Variants in PPP2R2D observed in about 807,000 individuals in gnomAD.
The protein encoded by PPP2R2D is protein phosphatase 2 regulatory subunit Bdelta, also known as serine/threonine-protein phosphatase 2A 55 kDa regulatory subunit B delta isoform.
A neutral mutation model predicts 31.1 loss-of-function variants in PPP2R2D; 9 were observed. The observed-to-expected ratio is 0.29, with a 90% CI of 0.17 to 0.51. The LOEUF is 0.51. Among genes scored for constraint, PPP2R2D ranks in the 20% least tolerant of loss-of-function variants. The pLI is 0.98. For missense variants in PPP2R2D, 391 were observed against 465.6 expected, an observed-to-expected ratio of 0.84 and a Z score of 1.48; for synonymous variants, 179 against 172.6, an observed-to-expected ratio of 1.04 and a Z score of -0.29.
At position 131,901,096 on chromosome 10, in the gene PPP2R2D, G is replaced by C. The variant is rs1416856005; in HGVS notation, c.-53G>C. On this transcript the variant is annotated 5_prime_UTR_variant, in exon 1 of 9. Transcript: ENST00000455566. ...CTGAGCGCTCGGCTGCAGCGGCGCG[G>C]AGGCCGTCTCCCTGGTCTGCCGCGG... 2.5e-5 allele frequency: 5 copies of C among 203,776 alleles called. No homozygotes were observed. The highest frequency in any genetic ancestry group is 4.8e-5 in the Non-Finnish European group (5 of 104,322). 12.6% of individuals were successfully genotyped at this position (203,776 alleles called of 1,614,324 possible). A position where few individuals can be genotyped will look rare whatever the true frequency, so the allele number is the denominator to read the frequency against.
At chr10:131,933,230 G>A (rs1262648573) in intron 2 of PPP2R2D, among the ~76,000 whole-genome samples, 1 of 152,128 alleles carries the variant, frequency 6.6e-6, no homozygotes, top group African/African-American at 2.4e-5. Flanking sequence ...TGTAGATGTT[G>A]GTGGAAATCC....
downstream of PPP2R2D, among the ~76,000 whole-genome samples, chr10:131,964,267 C>T (rs947489070): frequency 1.3e-5 from 2 of 151,982 alleles, no homozygotes; most frequent in South Asian, 2.1e-4. Context: ...CAAGAACCCA[C>T]TAACTTTAGT....
At chr10:131,932,663 A>AAC (rs2036261040) in intron 2 of PPP2R2D, among the ~76,000 whole-genome samples, 1 of 144,556 alleles carries the variant, frequency 6.9e-6, no homozygotes, top group East Asian at 1.9e-4. Flanking sequence ...AAAAAAAAAA[A>AAC]AAAAACACAC....
At chr10:131,941,833 C>T (rs2036447322) in intron 5 of PPP2R2D, among the ~76,000 whole-genome samples, 1 of 152,158 alleles carries the variant, frequency 6.6e-6, no homozygotes, top group African/African-American at 2.4e-5. Context: ...TCAGACTTCT[C>T]ACATCGATGT....
chr10:131,943,005 C>T lies in PPP2R2D; in HGVS notation c.478-963C>T, dbSNP rs139898092. Among the ~76,000 whole-genome samples, 284 of 152,296 alleles carry T rather than the reference C, an allele frequency of 1.9e-3. 2 individuals are homozygous for T. The highest frequency in any genetic ancestry group is 6.4e-3 in the African/African-American group (265 of 41,560). ...TCAGTTGAGAGCTTTTCTTTTTCCC[C>T]TAAGCTTTCAAGGCTCTCCCTTTTG... On this transcript the variant is annotated intron_variant, in intron 5 of 8. Coordinates refer to ENST00000455566, the MANE Select transcript of PPP2R2D (RefSeq NM_018461.5).
rs1482030690 is a variant in PPP2R2D, at chr10:131,945,563, A to G, written c.820+104A>G. 1.3e-5 allele frequency: 18 copies of G among 1,368,170 alleles called. No homozygotes were observed. The highest frequency in any genetic ancestry group is 1.6e-5 in the Non-Finnish European group (16 of 1,014,746). 84.8% of individuals were successfully genotyped at this position (1,368,170 alleles called of 1,614,324 possible). A position where few individuals can be genotyped will look rare whatever the true frequency, so the allele number is the denominator to read the frequency against. On this transcript the variant is annotated intron_variant, in intron 7 of 8. Transcript: ENST00000455566. The surrounding 1 kb of genome is among the most constrained non-coding windows in gnomAD (Gnocchi z 4.8). ...CAAGCTCCGCCTCCCGGGTTCCAGC[A>G]AGTCTTCTGCCTCGGCCTCCCGAGT... is the stretch of plus-strand genomic sequence containing the variant.
intron 2 of PPP2R2D, among the ~76,000 whole-genome samples, chr10:131,921,176 A>G (rs35455357): frequency 0.11 from 16,662 of 152,268 alleles, 996 homozygotes; most frequent in Non-Finnish European, 0.14. Flanking sequence ...CCTTCTTGCT[A>G]GTTTGACTGA....
intron 2 of PPP2R2D, among the ~76,000 whole-genome samples, chr10:131,916,124 A>G (rs2035774394): frequency 6.6e-6 from 1 of 152,182 alleles, no homozygotes; most frequent in Non-Finnish European, 1.5e-5. Context: ...GGGTTATTTA[A>G]AAAGTAGATG....
At chr10:131,970,618 C>G in the PPP2R2D span, 1 of 1,612,194 alleles carries the variant, frequency 6.2e-7, no homozygotes, top group South Asian at 1.1e-5. This position sits in a 1 kb window ranked among gnomAD's most constrained non-coding sequence, Gnocchi z 4.1. Context: ...TGACAGGAGT[C>G]ACACAGTCAC....
At chr10:131,918,810 GAC>G (rs1554893693) in intron 2 of PPP2R2D, among the ~76,000 whole-genome samples, 2 of 149,020 alleles carry the variant, frequency 1.3e-5, no homozygotes, top group South Asian at 2.1e-4. Context: ...CGGGTGGAAT[GAC>G]ACAGTGTGGG....
chr10:131,938,059 G>T (rs2036375583), intron 3 of PPP2R2D, among the ~76,000 whole-genome samples: 1 of 151,808 alleles, frequency 6.6e-6, no homozygotes, highest in South Asian at 2.1e-4. Flanking sequence ...TGGAAGGAAT[G>T]CCCTGCACGT....
Position 131,957,733 on chromosome 10 carries a change from C to G in PPP2R2D, c.*1770C>G, listed in dbSNP as rs1554900346. ...GAAGGTGTGTGCTGATCCCCCATCTCCCTGTGGAGATGAAGGGGTGTGCCA... is the reference window on the plus strand; with the variant it reads ...GAAGGTGTGTGCTGATCCCCCATCTGCCTGTGGAGATGAAGGGGTGTGCCA... On this transcript the variant is annotated 3_prime_UTR_variant, in exon 9 of 9. Coordinates refer to ENST00000455566, the MANE Select transcript of PPP2R2D (RefSeq NM_018461.5). 6.3e-6 allele frequency: 1 copy of G among 157,494 alleles called. No homozygotes were observed. Among genetic ancestry groups the G allele is most frequent in the Non-Finnish European group, 1.4e-5 (1 of 73,812 alleles). The allele number at this position is 157,494 out of a possible 1,614,324, so 9.8% of individuals were successfully genotyped here. A position where few individuals can be genotyped will look rare whatever the true frequency, so the allele number is the denominator to read the frequency against.
At chr10:131,962,903 G>A (rs1347977425), downstream of PPP2R2D, among the ~76,000 whole-genome samples, 2 of 152,338 alleles carry the variant, frequency 1.3e-5, no homozygotes, top group East Asian at 3.9e-4. Context: ...GGTGGCTCAC[G>A]CCTGTAATCC....
intron 2 of PPP2R2D, among the ~76,000 whole-genome samples, chr10:131,930,949 CCTTTGGATTTCA>C (rs1554895594): frequency 1.3e-5 from 2 of 152,170 alleles, no homozygotes; most frequent in Non-Finnish European, 2.9e-5. Context: ...TTACTGTTGC[CCTTTGGATTTCA>C]CATGGCACTT....
intron 2 of PPP2R2D, among the ~76,000 whole-genome samples, chr10:131,929,854 C>T (rs1554895435): frequency 1.3e-5 from 2 of 152,184 alleles, no homozygotes; most frequent in African/African-American, 4.8e-5. Context: ...TCCTTTAAAC[C>T]TGGGACCTCA....
At chr10:131,960,001 C>T (rs1395996206), downstream of PPP2R2D, among the ~76,000 whole-genome samples, 2 of 152,206 alleles carry the variant, frequency 1.3e-5, no homozygotes, top group East Asian at 3.9e-4. Flanking sequence ...CTGCCACTGC[C>T]TTGAGGTCTG....
intron 3 of PPP2R2D, among the ~76,000 whole-genome samples, chr10:131,937,182 G>T (rs555804064): frequency 6.6e-5 from 10 of 152,358 alleles, no homozygotes; most frequent in Admixed American, 5.9e-4. Context: ...CAGGTCCATA[G>T]AGGCCCGTTG....
At chr10:131,916,872 G>A (rs1191074750) in intron 2 of PPP2R2D, among the ~76,000 whole-genome samples, 4 of 147,390 alleles carry the variant, frequency 2.7e-5, no homozygotes, top group African/African-American at 1.1e-4. Context: ...GAATGACAGT[G>A]TTTGTAGGGA....
rs2036370488 is a variant in PPP2R2D at position 131,937,839 on chromosome 10, T to C, written c.199-2192T>C. The stretch of plus-strand genomic sequence containing the variant: ...AATAGAACTGTCTGTTGAGGGGCTG[T>C]GCTTTTTTGTAGAGTGGTAGGAGAG... On this transcript the variant is annotated intron_variant, in intron 3 of 8. Coordinates refer to ENST00000455566, the MANE Select transcript of PPP2R2D (RefSeq NM_018461.5). Among the ~76,000 whole-genome samples, 3 of 152,226 alleles carry C rather than the reference T, an allele frequency of 2.0e-5. No individual in the cohort carries two copies. The South Asian group carries it at 6.2e-4, about 31-fold the overall frequency.
Sources: gnomAD v4.1 joint callset for allele counts (sites outside exome capture counted in the v4.1 genomes callset) on GRCh38, gnomAD v4.1.1 for gene constraint, Gnocchi (gnomAD v3.1) non-coding constraint, MANE v1.5 for transcripts, NCBI Gene and HGNC (gene_info 2026-07-23, HGNC 2026-07-21) for gene names.